Variants in ESRRB observed in about 807,000 individuals in gnomAD.
The protein encoded by ESRRB is estrogen related receptor beta.
A neutral mutation model predicts 46.0 loss-of-function variants in ESRRB; 16 were observed. The ratio of observed to expected loss-of-function variants is 0.35; its 90% CI spans 0.24 to 0.53. ESRRB has a LOEUF of 0.53. Ranked by LOEUF, ESRRB falls within the 20% of genes least tolerant of loss-of-function variation. The probability of loss-of-function intolerance (pLI) is 0.93; values close to 1 mark genes in which losing one functional copy is unlikely to be tolerated. For synonymous variants in ESRRB, 246 were observed against 259.6 expected, an observed-to-expected ratio of 0.95 and a Z score of 0.50; for missense variants, 488 against 607.4, an observed-to-expected ratio of 0.80 and a Z score of 2.07.
intron 1 of ESRRB, among the ~76,000 whole-genome samples, chr14:76,336,734 C>A (rs894258112): frequency 6.6e-6 from 1 of 152,174 alleles, no homozygotes; most frequent in Non-Finnish European, 1.5e-5. Flanking sequence ...GGGGGCGATA[C>A]CCACTCTTCA....
In ESRRB at chr14:76,414,421, C is replaced by A. The variant is rs542720498; in HGVS notation, c.51-24920C>A. Among the ~76,000 whole-genome samples, 8 of 151,092 alleles carry A rather than the reference C, an allele frequency of 5.3e-5. No homozygotes were observed. In the South Asian group the frequency reaches 1.5e-3, roughly 28 times the overall value. On this transcript the variant is annotated intron_variant, in intron 1 of 6. Coordinates refer to ENST00000644823, the MANE Select transcript of ESRRB (RefSeq NM_001379180.1). ...TCTGTGTTCGGTACTTAGAGCAGTGCCTGGGCGCAGTACCTTCTGCGTCTG... is the reference window on the plus strand; with the variant it reads ...TCTGTGTTCGGTACTTAGAGCAGTGACTGGGCGCAGTACCTTCTGCGTCTG...
At chr14:76,422,357 C>T (rs966386249) in intron 1 of ESRRB, among the ~76,000 whole-genome samples, 6 of 151,954 alleles carry the variant, frequency 3.9e-5, no homozygotes, top group South Asian at 2.1e-4. Flanking sequence ...ACTACAGGCA[C>T]GTGCCACCAC....
intron 2 of ESRRB, among the ~76,000 whole-genome samples, chr14:76,452,030 C>A (rs1017257437): frequency 6.6e-6 from 1 of 151,846 alleles, no homozygotes; most frequent in Non-Finnish European, 1.5e-5. Flanking sequence ...CTGCAACCTC[C>A]GCCTGGGTTC....
intron 2 of ESRRB, among the ~76,000 whole-genome samples, chr14:76,459,799 C>T (rs1377713581): frequency 4.6e-5 from 7 of 152,164 alleles, no homozygotes; most frequent in Non-Finnish European, 7.3e-5. Flanking sequence ...CCCTTCCCAT[C>T]GCCTTCCATC....
At chr14:76,441,463 C>T (rs1394580696) in intron 2 of ESRRB, among the ~76,000 whole-genome samples, 1 of 152,168 alleles carries the variant, frequency 6.6e-6, no homozygotes, top group Non-Finnish European at 1.5e-5. Context: ...CACTGGTGCA[C>T]ATCACCACAC....
chr14:76,319,130 G>C (rs571588237), intron 1 of ESRRB, among the ~76,000 whole-genome samples: 1 of 152,188 alleles, frequency 6.6e-6, no homozygotes, highest in African/African-American at 2.4e-5. Flanking sequence ...CAGATGTGAA[G>C]GTGGGATGCC....
chr14:76,476,856 G>A (rs1362614144), intron 3 of ESRRB, among the ~76,000 whole-genome samples: 1 of 152,234 alleles, frequency 6.6e-6, no homozygotes, highest in Non-Finnish European at 1.5e-5. Flanking sequence ...GCAAGAGAAA[G>A]GCAAAAGAGC....
In ESRRB at chr14:76,317,654, G is replaced by A. The variant is rs539794184; in HGVS notation, c.2+6738G>A. Among the ~76,000 whole-genome samples, 8 of 152,294 alleles carry A rather than the reference G, an allele frequency of 5.3e-5. No homozygotes were observed. In the East Asian group the frequency reaches 1.4e-3, roughly 26 times the overall value. On this transcript the variant is annotated intron_variant, in intron 1 of 6. Transcript: ENST00000512784. ...TGTTGGAGACCGCTTCCGCCCGCGG[G>A]CTCCGGTAGTCGGAAGGATGGCCCA...
At chr14:76,479,842 TC>T (rs1889735810) in intron 3 of ESRRB, among the ~76,000 whole-genome samples, 1 of 152,136 alleles carries the variant, frequency 6.6e-6, no homozygotes, top group Non-Finnish European at 1.5e-5. Flanking sequence ...TCCAACAGTT[TC>T]CGTATTCCCA....
chr14:76,394,537 C>A (rs987442533), intron 1 of ESRRB, among the ~76,000 whole-genome samples: 2 of 152,196 alleles, frequency 1.3e-5, no homozygotes, highest in Non-Finnish European at 2.9e-5. Flanking sequence ...TGGGAGGGAG[C>A]CTCATTTGCT....
intron 2 of ESRRB, among the ~76,000 whole-genome samples, chr14:76,458,867 CAG>C (rs1022258270): frequency 1.6e-5 from 2 of 128,140 alleles, no homozygotes; most frequent in Non-Finnish European, 3.2e-5. Context: ...TTTTTTGAGA[CAG>C]AGTCTCGCTC....
chr14:76,383,730 C>T (rs1411373124), intron 1 of ESRRB, among the ~76,000 whole-genome samples: 1 of 152,102 alleles, frequency 6.6e-6, no homozygotes, highest in East Asian at 1.9e-4. Flanking sequence ...AGGTGCTGAG[C>T]ATGATTAGTT....
At chr14:76,338,347 T>G (rs1884152610) in intron 1 of ESRRB, among the ~76,000 whole-genome samples, 1 of 152,172 alleles carries the variant, frequency 6.6e-6, no homozygotes, top group Non-Finnish European at 1.5e-5. Flanking sequence ...GAGGGGAGCC[T>G]GCTGCCCAGC....
intron 2 of ESRRB, among the ~76,000 whole-genome samples, chr14:76,452,652 A>C (rs769638963): frequency 1.5e-4 from 21 of 139,226 alleles, no homozygotes; most frequent in South Asian, 6.4e-4. Context: ...ACAAAACAAA[A>C]CAAAAAAAAA....
intron 3 of ESRRB, among the ~76,000 whole-genome samples, chr14:76,465,924 T>C (rs180966123): frequency 2.6e-5 from 4 of 152,332 alleles, no homozygotes; most frequent in African/African-American, 9.6e-5. Context: ...TGAAGCTCCG[T>C]GGGGACCGAC....
At chr14:76,464,669 T>A (rs185330367) in intron 3 of ESRRB, among the ~76,000 whole-genome samples, 1 of 152,316 alleles carries the variant, frequency 6.6e-6, no homozygotes, top group African/African-American at 2.4e-5. Context: ...AAAAATGGGC[T>A]ACATCGAGCC....
chr14:76,335,893 T>C (rs58904775), intron 1 of ESRRB, among the ~76,000 whole-genome samples: 20,032 of 152,186 alleles, frequency 0.13, 1,428 homozygotes, highest in East Asian at 0.28. Flanking sequence ...GCGTAGTTAA[T>C]ATAATCTTAT....
intron 1 of ESRRB, among the ~76,000 whole-genome samples, chr14:76,345,147 G>A (rs946201028): frequency 6.6e-6 from 1 of 152,084 alleles, no homozygotes; most frequent in Non-Finnish European, 1.5e-5. Flanking sequence ...ATTTCATGAC[G>A]AAAAACCCAA....
chr14:76,359,097 C>T (rs572192123), intron 1 of ESRRB, among the ~76,000 whole-genome samples: 2 of 152,348 alleles, frequency 1.3e-5, no homozygotes, highest in South Asian at 4.1e-4. Context: ...TGAGAAACAT[C>T]GCCACATGTT....
Sources: allele counts gnomAD v4.1 joint callset (sites outside exome capture counted in the v4.1 genomes callset), GRCh38; gene constraint gnomAD v4.1.1; transcripts MANE v1.5; gene names NCBI Gene and HGNC (gene_info 2026-07-23, HGNC 2026-07-21).